The following BFSP2 variants were observed in gnomAD, a reference collection of about 807,000 sequenced individuals.
BFSP2 encodes phakinin.
BFSP2 carries 38 observed loss-of-function variants against 44.9 expected under a neutral mutation model. The observed-to-expected ratio is 0.85, with a 90% CI of 0.65 to 1.11. The LOEUF (loss-of-function observed/expected upper bound fraction) is 1.11. Ranked by LOEUF, BFSP2 falls within the 50% of genes least tolerant of loss-of-function variation. The pLI is 0.00. For missense variants in BFSP2, 525 were observed against 533.0 expected, an observed-to-expected ratio of 0.99 and a Z score of 0.15; for synonymous variants, 197 against 209.9, an observed-to-expected ratio of 0.94 and a Z score of 0.53.
chr3:133,440,248 C>T (rs1228112754), intron 1 of BFSP2, among the ~76,000 whole-genome samples: 2 of 150,944 alleles, frequency 1.3e-5, no homozygotes, highest in African/African-American at 4.9e-5. Context: ...ATTCAATTAT[C>T]TCCCACCAGG....
intron 1 of BFSP2, among the ~76,000 whole-genome samples, chr3:133,403,159 C>T (rs1276899318): frequency 1.3e-5 from 2 of 152,180 alleles, no homozygotes; most frequent in Non-Finnish European, 2.9e-5. Context: ...CCACAACACG[C>T]TGCCTTCATC....
chr3:133,427,821 T>C (rs1157201248), intron 1 of BFSP2, among the ~76,000 whole-genome samples: 1 of 152,226 alleles, frequency 6.6e-6, no homozygotes, highest in Non-Finnish European at 1.5e-5. Flanking sequence ...TGCCCGTAAG[T>C]GTCCCTTAGT....
At chr3:133,452,295 A>AT (rs2073972692) in intron 4 of BFSP2, among the ~76,000 whole-genome samples, 1 of 152,150 alleles carries the variant, frequency 6.6e-6, no homozygotes, top group Non-Finnish European at 1.5e-5. Context: ...GATTCCCAAA[A>AT]TGTTCTCCAG....
intron 1 of BFSP2, among the ~76,000 whole-genome samples, chr3:133,425,983 G>A: frequency 1.7e-5 from 1 of 58,522 alleles, no homozygotes; most frequent in East Asian, 5.7e-4. Context: ...GGGAGGGGAA[G>A]GCAGGGCAGG....
intron 1 of BFSP2, among the ~76,000 whole-genome samples, chr3:133,424,927 C>A (rs2073629888): frequency 6.6e-6 from 1 of 152,208 alleles, no homozygotes; most frequent in African/African-American, 2.4e-5. Flanking sequence ...AGCCACCATG[C>A]CTGGCCTGGT....
chr3:133,406,573 C>T (rs1239173207), intron 1 of BFSP2, among the ~76,000 whole-genome samples: 2 of 152,028 alleles, frequency 1.3e-5, no homozygotes, highest in African/African-American at 4.8e-5. Context: ...ATCTACCAAC[C>T]GTGTGATCTT....
Position 133,474,935 on chromosome 3 carries a change from C to G in BFSP2, c.1245-34C>G, listed in dbSNP as rs1213688243. ...TGATAGAATGACCGATTTTCCTCAC[C>G]CATTGCTTCTGACTCCTATGTGTTT... is the stretch of plus-strand genomic sequence containing the variant. On this transcript the variant is annotated intron_variant, in intron 6 of 6. Coordinates refer to ENST00000302334, the MANE Select transcript of BFSP2 (RefSeq NM_003571.4). 1.9e-6 allele frequency: 3 copies of G among 1,613,730 alleles called. No homozygotes were observed. The Admixed American group carries it at 5.0e-5, about 27-fold the overall frequency.
At chr3:133,415,976 TCTACTCACCCCTGC>T in intron 1 of BFSP2, among the ~76,000 whole-genome samples, 1 of 130,750 alleles carries the variant, frequency 7.6e-6, no homozygotes, top group African/African-American at 3.0e-5. Flanking sequence ...TGCTCACCCG[TCTACTCACCCCTGC>T]CCTCTCCCTT....
chr3:133,403,499 A>C (rs1354832405), intron 1 of BFSP2, among the ~76,000 whole-genome samples: 2 of 151,972 alleles, frequency 1.3e-5, no homozygotes, highest in East Asian at 3.9e-4. Flanking sequence ...ACCTAGAGAG[A>C]AATTCGACCT....
intron 5 of BFSP2, among the ~76,000 whole-genome samples, chr3:133,469,159 A>G (rs1364806588): frequency 3.9e-5 from 6 of 152,230 alleles, no homozygotes; most frequent in Admixed American, 3.9e-4. Context: ...GTCTATGCCC[A>G]TAGCCCAGAA....
At chr3:133,438,711 G>A (rs1013344810) in intron 1 of BFSP2, among the ~76,000 whole-genome samples, 5 of 152,032 alleles carry the variant, frequency 3.3e-5, no homozygotes, top group African/African-American at 4.8e-5. Flanking sequence ...TAAAATAGAA[G>A]AACTACAAAA....
chr3:133,443,540 C>T (rs973444277), intron 1 of BFSP2, among the ~76,000 whole-genome samples: 4 of 152,184 alleles, frequency 2.6e-5, no homozygotes, highest in Non-Finnish European at 5.9e-5. Flanking sequence ...ACAAATGCAA[C>T]CAGCAGGTCA....
rs192023639 is a variant in BFSP2, at chr3:133,446,463, T to C, written c.490-854T>C. Among the ~76,000 whole-genome samples, 16 of 148,524 alleles carry C rather than the reference T, an allele frequency of 1.1e-4. No individual in the cohort carries two copies. The East Asian group carries it at 3.0e-3, about 28-fold the overall frequency. ...AGTAATTCAATGAAATGAAACAAAATAAGACAGCCACACTGGAGCAAGGGG... is the reference window on the plus strand; with the variant it reads ...AGTAATTCAATGAAATGAAACAAAACAAGACAGCCACACTGGAGCAAGGGG... On this transcript the variant is annotated intron_variant, in intron 1 of 6. Coordinates refer to ENST00000302334, the MANE Select transcript of BFSP2 (RefSeq NM_003571.4).
At chr3:133,408,271 G>A (rs1054314641) in intron 1 of BFSP2, among the ~76,000 whole-genome samples, 3 of 152,156 alleles carry the variant, frequency 2.0e-5, no homozygotes, top group African/African-American at 7.2e-5. Context: ...TGTCTCAACT[G>A]CACTCATAAT....
At chr3:133,444,235 G>C (rs2073874594) in intron 1 of BFSP2, among the ~76,000 whole-genome samples, 1 of 152,014 alleles carries the variant, frequency 6.6e-6, no homozygotes, top group Non-Finnish European at 1.5e-5. Flanking sequence ...GACATTCATT[G>C]AACAACTGCT....
chr3:133,466,697 A>AAAAAAAAAAAAT, intron 4 of BFSP2, 131 bp from the exon 5 acceptor site: 1 of 726,478 alleles, frequency 1.4e-6, no homozygotes, highest in East Asian at 3.6e-5. Context: ...AAAAAAAAAA[A>AAAAAAAAAAAAT]GATGTTTCCA....
chr3:133,400,675 T>G lies in BFSP2; in HGVS notation c.489+103T>G. 1 of 1,497,724 alleles carries G rather than the reference T, an allele frequency of 6.7e-7. No homozygotes were observed. The highest frequency in any genetic ancestry group is 1.2e-5 in the South Asian group (1 of 81,506). 92.8% of individuals were successfully genotyped at this position (1,497,724 alleles called of 1,614,324 possible). A position where few individuals can be genotyped will look rare whatever the true frequency, so the allele number is the denominator to read the frequency against. On this transcript the variant is annotated intron_variant, in intron 1 of 6. Transcript: ENST00000302334. This position sits in a 1 kb window ranked among gnomAD's most constrained non-coding sequence, Gnocchi z 4.0. ...AGGCTGAGGCCAGAGAAACTGACCATAATCCCCTACACTTTCACACTTAAA... is the reference window on the plus strand; with the variant it reads ...AGGCTGAGGCCAGAGAAACTGACCAGAATCCCCTACACTTTCACACTTAAA...
At chr3:133,449,933 C>T (rs1030226611) in intron 3 of BFSP2, among the ~76,000 whole-genome samples, 5 of 122,616 alleles carry the variant, frequency 4.1e-5, no homozygotes, top group African/African-American at 9.6e-5. Context: ...GGAAGACAGA[C>T]GGAAAGAAAG....
intron 1 of BFSP2, among the ~76,000 whole-genome samples, chr3:133,443,155 C>T (rs963245043): frequency 2.0e-5 from 3 of 152,108 alleles, no homozygotes; most frequent in Admixed American, 1.3e-4. Context: ...CCACCGCACC[C>T]GGCCAAAATT....
Sources: gnomAD v4.1 joint callset for allele counts (sites outside exome capture counted in the v4.1 genomes callset) on GRCh38, gnomAD v4.1.1 for gene constraint, Gnocchi (gnomAD v3.1) non-coding constraint, MANE v1.5 for transcripts, NCBI Gene and HGNC (gene_info 2026-07-23, HGNC 2026-07-21) for gene names.